Variants in ZNF385D observed in about 807,000 individuals in gnomAD.
ZNF385D encodes the protein zinc finger protein 385D, also known as zinc finger protein 659.
ZNF385D carries 15 observed loss-of-function variants against 35.8 expected under a neutral mutation model. That is an observed-to-expected ratio of 0.42 (90% CI 0.28 to 0.64). ZNF385D has a LOEUF of 0.64. Among genes scored for constraint, ZNF385D ranks in the 30% least tolerant of loss-of-function variants. ZNF385D has a pLI of 0.23. For synonymous variants in ZNF385D, 212 were observed against 186.8 expected (o/e 1.13, Z -1.10); for missense variants, 474 against 494.6 (o/e 0.96, Z 0.39).
intron 2 of ZNF385D, among the ~76,000 whole-genome samples, chr3:22,188,852 C>G (rs1487133477): frequency 1.3e-5 from 2 of 151,792 alleles, no homozygotes; most frequent in African/African-American, 4.8e-5. Flanking sequence ...TTCTTTTTTT[C>G]TTTTCTCTTT....
intron 2 of ZNF385D, among the ~76,000 whole-genome samples, chr3:22,181,676 C>A (rs568912267): frequency 1.6e-5 from 2 of 126,264 alleles, no homozygotes; most frequent in Admixed American, 9.7e-5. Context: ...CCGGCCTGGG[C>A]GAAAGAGTGA....
At chr3:22,138,129 G>A (rs375461984) in intron 3 of ZNF385D, among the ~76,000 whole-genome samples, 4,632 of 151,944 alleles carry the variant, frequency 0.03, 209 homozygotes, top group African/African-American at 0.099. Flanking sequence ...GGACATCTTC[G>A]AGGAGAACTA....
intron 1 of ZNF385D, among the ~76,000 whole-genome samples, chr3:21,702,877 C>G (rs1413413271): frequency 6.6e-6 from 1 of 152,204 alleles, no homozygotes; most frequent in Non-Finnish European, 1.5e-5. Context: ...CCACCTCAAC[C>G]TGGACCTTAT....
chr3:21,474,913 A>G (rs1704137385), intron 4 of ZNF385D, among the ~76,000 whole-genome samples: 1 of 152,074 alleles, frequency 6.6e-6, no homozygotes, highest in South Asian at 2.1e-4. Flanking sequence ...TATCTGGTGT[A>G]ATTGATAAGA....
intron 4 of ZNF385D, among the ~76,000 whole-genome samples, chr3:21,491,883 C>T (rs144327592): frequency 4.7e-4 from 72 of 152,170 alleles, no homozygotes; most frequent in Non-Finnish European, 8.8e-4. Flanking sequence ...GTACTTGTAT[C>T]CTATCCAGCT....
chr3:22,355,346 C>T (rs1696102505), intron 2 of ZNF385D, among the ~76,000 whole-genome samples: 1 of 152,024 alleles, frequency 6.6e-6, no homozygotes, highest in Non-Finnish European at 1.5e-5. Context: ...TTTGCAAAGA[C>T]TCATCTGAAT....
chr3:21,577,498 G>C (rs1287209542), intron 2 of ZNF385D, among the ~76,000 whole-genome samples: 1 of 152,156 alleles, frequency 6.6e-6, no homozygotes, highest in East Asian at 1.9e-4. Flanking sequence ...TTGACATACT[G>C]ATTTCCTTTC....
At chr3:21,769,487 T>C (rs1272730349) in intron 3 of ZNF385D, among the ~76,000 whole-genome samples, 1 of 127,854 alleles carries the variant, frequency 7.8e-6, no homozygotes, top group African/African-American at 3.2e-5. Flanking sequence ...CCATTCACAA[T>C]TGCTTCAAAG....
intron 1 of ZNF385D, among the ~76,000 whole-genome samples, chr3:21,743,934 C>T (rs1032408833): frequency 2.0e-5 from 3 of 152,200 alleles, no homozygotes; most frequent in Non-Finnish European, 4.4e-5. Flanking sequence ...AACACAAACG[C>T]ATATTGGATC....
intron 2 of ZNF385D, among the ~76,000 whole-genome samples, chr3:22,272,619 G>C (rs1036750657): frequency 2.6e-5 from 4 of 151,940 alleles, no homozygotes; most frequent in Non-Finnish European, 5.9e-5. Flanking sequence ...ATGTAACACA[G>C]TGTTATCACC....
At chr3:21,734,469 G>T (rs1415411178) in intron 1 of ZNF385D, among the ~76,000 whole-genome samples, 1 of 151,572 alleles carries the variant, frequency 6.6e-6, no homozygotes, top group African/African-American at 2.4e-5. Context: ...TCTTATATAA[G>T]ATATTTCAAA....
intron 3 of ZNF385D, among the ~76,000 whole-genome samples, chr3:21,938,618 T>C (rs1271743387): frequency 6.6e-6 from 1 of 152,174 alleles, no homozygotes; most frequent in Non-Finnish European, 1.5e-5. Flanking sequence ...ATTCTTCCTC[T>C]CCAACTGCGT....
chr3:22,103,903 A>G (rs944216122), intron 3 of ZNF385D, among the ~76,000 whole-genome samples: 1 of 152,122 alleles, frequency 6.6e-6, no homozygotes, highest in Non-Finnish European at 1.5e-5. Context: ...GACTAATTGA[A>G]TTATATGGCT....
At chr3:21,498,300 G>A (rs77899098) in intron 4 of ZNF385D, among the ~76,000 whole-genome samples, 4,021 of 152,060 alleles carry the variant, frequency 0.026, 175 homozygotes, top group African/African-American at 0.091. Flanking sequence ...CATTCTGGAC[G>A]TAGGATCTGA....
intron 3 of ZNF385D, among the ~76,000 whole-genome samples, chr3:21,988,272 G>T (rs961578443): frequency 8.2e-6 from 1 of 121,616 alleles, no homozygotes; most frequent in Admixed American, 7.8e-5. Flanking sequence ...CAGTTTTTCT[G>T]TTCTGTTTTT....
chr3:21,502,091 G>C (rs1706412410), intron 4 of ZNF385D, among the ~76,000 whole-genome samples: 1 of 152,084 alleles, frequency 6.6e-6, no homozygotes, highest in African/African-American at 2.4e-5. Context: ...GGCAACTGGG[G>C]AACAGCAAAT....
In ZNF385D at chr3:22,365,363, A is replaced by T. The variant is rs6764552; in HGVS notation, c.106+7087T>A. On this transcript the variant is annotated intron_variant, in intron 2 of 5. Transcript: ENST00000494108. ...GAAAAAAAATTGAAAAACAAAAAAG[A>T]ATTCTAAAAAATGGTTCTTACCTTT... Among the ~76,000 whole-genome samples, 211 of 152,224 alleles carry T rather than the reference A, an allele frequency of 1.4e-3. 1 individual carries two copies. Among genetic ancestry groups the T allele is most frequent in the African/African-American group, 4.7e-3 (195 of 41,558 alleles).
intron 3 of ZNF385D, among the ~76,000 whole-genome samples, chr3:22,108,418 G>T (rs765059070): frequency 4.6e-5 from 7 of 151,808 alleles, no homozygotes; most frequent in Non-Finnish European, 1.0e-4. Flanking sequence ...TAAGAGGAAA[G>T]AAGTAAGGGT....
intron 2 of ZNF385D, among the ~76,000 whole-genome samples, chr3:22,224,547 C>A (rs1019545536): frequency 3.9e-5 from 6 of 152,012 alleles, no homozygotes; most frequent in Admixed American, 6.6e-5. Context: ...CAGCGACTGG[C>A]AAAGGATAAT....
Sources: gnomAD v4.1 joint callset for allele counts (sites outside exome capture counted in the v4.1 genomes callset) on GRCh38, gnomAD v4.1.1 for gene constraint, MANE v1.5 for transcripts, NCBI Gene and HGNC (gene_info 2026-07-23, HGNC 2026-07-21) for gene names.